Variants in ST6GALNAC2 observed in about 807,000 individuals in gnomAD.
The protein encoded by ST6GALNAC2 is alpha-N-acetylgalactosaminide alpha-2,6-sialyltransferase 2.
Under a neutral mutation model 38.7 loss-of-function variants are expected in ST6GALNAC2, and 42 were observed. That is an observed-to-expected ratio of 1.09 (90% confidence interval 0.85 to 1.40). ST6GALNAC2 has a LOEUF of 1.40. Ranked by LOEUF, ST6GALNAC2 falls within the 40% of genes most tolerant of loss-of-function variation. The pLI is 0.00. For synonymous variants in ST6GALNAC2, 233 were observed against 209.0 expected (o/e 1.11, Z -0.99); for missense variants, 506 against 481.7 (o/e 1.05, Z -0.47).
At chr17:76,566,341 A>C (rs2075282497) in intron 8 of ST6GALNAC2, 70 bp from the exon 9 acceptor site, 1 of 1,539,370 alleles carries the variant, frequency 6.5e-7, no homozygotes, top group Admixed American at 1.7e-5. Flanking sequence ...GGGTGAAGTG[A>C]CATGAGTTTA....
intron 2 of ST6GALNAC2, among the ~76,000 whole-genome samples, chr17:76,576,054 G>C (rs1194731563): frequency 6.6e-6 from 1 of 152,116 alleles, no homozygotes; most frequent in Non-Finnish European, 1.5e-5. Context: ...AGATTAGCTT[G>C]GTCAACATAA....
chr17:76,574,834 G>A (rs1022480238), intron 2 of ST6GALNAC2, among the ~76,000 whole-genome samples: 2 of 151,984 alleles, frequency 1.3e-5, no homozygotes, highest in African/African-American at 4.8e-5. Flanking sequence ...CCGCCACCAC[G>A]CCCGGCTAAT....
In ST6GALNAC2 at chr17:76,573,295, T is replaced by C. The variant is rs371095497; in HGVS notation, c.430A>G (p.Thr144Ala). ...SAKLFAPPRD[T>A]PPKCIRCAVV... ...GCACACCGGATACACTTTGGAGGGG[T>C]GTCCCTGGGCGGGGCAAACAGCTTG... The change falls in exon 4 of 9, where the codon ACC becomes GCC. Residue 144 changes from threonine (T) to alanine (A), a missense_variant. Thr to Ala is a moderately conservative substitution (Grantham distance 58). Transcript: ENST00000225276. This position sits in a 1 kb window ranked among gnomAD's most constrained non-coding sequence, Gnocchi z 5.1. 2.2e-5 allele frequency: 36 copies of C among 1,602,924 alleles called. No individual in the cohort carries two copies. The highest frequency in any genetic ancestry group is 3.0e-5 in the Non-Finnish European group (35 of 1,174,844).
chr17:76,585,567 G>A (rs1202066101), intron 1 of ST6GALNAC2, 117 bp downstream of exon 1: 4 of 1,192,544 alleles, frequency 3.4e-6, no homozygotes, highest in Non-Finnish European at 4.4e-6. Flanking sequence ...TGCCCCAGAG[G>A]GGTCCACGCG....
Position 76,573,167 on chromosome 17 carries a change from G to GCCCCTCCCCAGCTCCTA in ST6GALNAC2, c.530+11_530+27dup. The GCCCCTCCCCAGCTCCTA allele has an allele frequency of 2.7e-6, 2 of 746,838 alleles. No homozygotes were observed. The highest frequency in any genetic ancestry group is 4.2e-6 in the Non-Finnish European group (2 of 471,762). 46.3% of individuals were successfully genotyped at this position (746,838 alleles called of 1,614,324 possible). Reference sequence around the variant, plus strand: ...CACCCTCCAGGCAACTCTCCCTCCCGCCCCTCCCCAGCTCCTACCCCTCAT... The same window carrying GCCCCTCCCCAGCTCCTA: ...CACCCTCCAGGCAACTCTCCCTCCCGCCCCTCCCCAGCTCCTACCCCTCCCCAGCTCCTACCCCTCAT... On this transcript the variant is annotated intron_variant, in intron 4 of 8. Coordinates refer to ENST00000225276, the MANE Select transcript of ST6GALNAC2 (RefSeq NM_006456.3). The surrounding 1 kb of genome is among the most constrained non-coding windows in gnomAD (Gnocchi z 5.1).
At position 76,585,644 on chromosome 17, in the gene ST6GALNAC2, C is replaced by A. The variant is rs934435818; in HGVS notation, c.125+40G>T. 2.0e-6 allele frequency: 3 copies of A among 1,484,362 alleles called. No individual in the cohort carries two copies. In the African/African-American group the frequency reaches 4.4e-5, roughly 22 times the overall value. 91.9% of individuals were successfully genotyped at this position (1,484,362 alleles called of 1,614,324 possible). A position where few individuals can be genotyped will look rare whatever the true frequency, so the allele number is the denominator to read the frequency against. ...CTGGGGACCCTCCCCGCGCCCTGGT[C>A]GCCCCTGCGCCCTCCCGCTCTGCGC... On this transcript the variant is annotated intron_variant, in intron 1 of 8. Coordinates refer to ENST00000225276, the MANE Select transcript of ST6GALNAC2 (RefSeq NM_006456.3).
intron 5 of ST6GALNAC2, chr17:76,570,903 C>T (rs768813270): frequency 3.1e-4 from 150 of 484,232 alleles, no homozygotes; most frequent in Non-Finnish European, 1.5e-4. Context: ...CTGGACTTAG[C>T]GACTCATGCA....
In ST6GALNAC2 at chr17:76,565,500, C is replaced by G. The variant is rs2075267682; in HGVS notation, c.*604G>C. The G allele has an allele frequency of 6.6e-6, 1 of 151,980 alleles. No homozygotes were observed. The highest frequency in any genetic ancestry group is 2.4e-5 in the African/African-American group (1 of 41,312). 9.4% of individuals were successfully genotyped at this position (151,980 alleles called of 1,614,324 possible). A position where few individuals can be genotyped will look rare whatever the true frequency, so the allele number is the denominator to read the frequency against. On this transcript the variant is annotated 3_prime_UTR_variant, in exon 9 of 9. Coordinates refer to ENST00000225276, the MANE Select transcript of ST6GALNAC2 (RefSeq NM_006456.3). ...CAAGCAACTAACCCCCATCAAGTGC[C>G]AGACCCTCCCAGTGTTCTGAGAGTC...
intron 2 of ST6GALNAC2, 49 bp downstream of exon 2, chr17:76,578,707 A>G: frequency 6.4e-7 from 1 of 1,551,438 alleles, no homozygotes; most frequent in Admixed American, 1.8e-5. Context: ...CCTCCTCCCC[A>G]CTAATTTGAG....
At chr17:76,583,095 G>T (rs1475763118) in intron 1 of ST6GALNAC2, among the ~76,000 whole-genome samples, 2 of 152,234 alleles carry the variant, frequency 1.3e-5, no homozygotes, top group East Asian at 3.9e-4. Context: ...ATTACTCGGG[G>T]CTGGGCGCGG....
chr17:76,567,410 T>A, intron 8 of ST6GALNAC2, 43 bp downstream of exon 8: 1 of 1,418,032 alleles, frequency 7.1e-7, no homozygotes, highest in Non-Finnish European at 1.0e-6. Flanking sequence ...TCTGTTATCC[T>A]GTGTTCTGCC....
At chr17:76,570,349 G>A (rs996064591) in intron 6 of ST6GALNAC2, 3 of 537,612 alleles carry the variant, frequency 5.6e-6, no homozygotes, top group Non-Finnish European at 1.0e-5. Context: ...CTGGGAACCC[G>A]GAGGGTCACC....
At chr17:76,574,160 C>T (rs915689665) in intron 3 of ST6GALNAC2, among the ~76,000 whole-genome samples, 2 of 151,994 alleles carry the variant, frequency 1.3e-5, no homozygotes, top group Non-Finnish European at 2.9e-5. Flanking sequence ...GGGGGCAGCC[C>T]CATGACTCTC....
intron 1 of ST6GALNAC2, among the ~76,000 whole-genome samples, chr17:76,584,214 A>G (rs2143326391): frequency 2.0e-5 from 2 of 99,982 alleles, no homozygotes; most frequent in South Asian, 3.2e-4. Flanking sequence ...TTTTCTGGAG[A>G]CAGGACCTTG....
chr17:76,567,467 G>A lies in ST6GALNAC2; in HGVS notation c.943C>T (p.His315Tyr), dbSNP rs771974773. Residue 315 changes from histidine to tyrosine, a missense_variant, in exon 8 of 9, where the codon CAT becomes TAT. Physicochemically the swap from His to Tyr is moderately conservative, Grantham distance 83. Coordinates refer to ENST00000225276, the MANE Select transcript of ST6GALNAC2 (RefSeq NM_006456.3). ...TGALMLLTALHTCDQVSAYGF... is the reference protein window; with the variant it reads ...TGALMLLTALYTCDQVSAYGF... Reference sequence around the variant, plus strand: ...AGGCCTCTTACCTGGTCACAGGTATGCAAAGCTGTCAGCAGCATGAGAGCC... The same window carrying A: ...AGGCCTCTTACCTGGTCACAGGTATACAAAGCTGTCAGCAGCATGAGAGCC... The A allele has an allele frequency of 6.2e-7, 1 of 1,613,392 alleles. No homozygotes were observed. Among genetic ancestry groups the A allele is most frequent in the Non-Finnish European group, 8.5e-7 (1 of 1,179,404 alleles).
In ST6GALNAC2 at chr17:76,565,996, C is replaced by G. The variant is rs995184384; in HGVS notation, c.*108G>C. 1.7e-6 allele frequency: 2 copies of G among 1,200,204 alleles called. No homozygotes were observed. The highest frequency in any genetic ancestry group is 3.1e-5 in the African/African-American group (2 of 64,888). 74.3% of individuals were successfully genotyped at this position (1,200,204 alleles called of 1,614,324 possible). ...AAAATCTTGAATTCACCCCAGTGCC[C>G]TCTGTTGGCAAGGGAAGGTGAAGAT... On this transcript the variant is annotated 3_prime_UTR_variant, in exon 9 of 9. Coordinates refer to ENST00000225276, the MANE Select transcript of ST6GALNAC2 (RefSeq NM_006456.3).
In ST6GALNAC2 at chr17:76,573,178, G is replaced by A; in HGVS notation, c.530+17C>T. 8.7e-7 allele frequency: 1 copy of A among 1,149,910 alleles called. No homozygotes were observed. The highest frequency in any genetic ancestry group is 1.3e-6 in the Non-Finnish European group (1 of 781,640). 71.2% of individuals were successfully genotyped at this position (1,149,910 alleles called of 1,614,324 possible). A position where few individuals can be genotyped will look rare whatever the true frequency, so the allele number is the denominator to read the frequency against. On this transcript the variant is annotated intron_variant, in intron 4 of 8. Coordinates refer to ENST00000225276, the MANE Select transcript of ST6GALNAC2 (RefSeq NM_006456.3). This position sits in a 1 kb window ranked among gnomAD's most constrained non-coding sequence, Gnocchi z 5.1. ...CAACTCTCCCTCCCGCCCCTCCCCA[G>A]CTCCTACCCCTCATACCTGAATACA...
chr17:76,584,770 G>A (rs1349800464), intron 1 of ST6GALNAC2, among the ~76,000 whole-genome samples: 4 of 152,272 alleles, frequency 2.6e-5, no homozygotes, highest in South Asian at 2.1e-4. Context: ...TTTTCATCCC[G>A]TTAGCCCCCC....
At chr17:76,569,327 C>T in intron 6 of ST6GALNAC2, 3 of 336,902 alleles carry the variant, frequency 8.9e-6, no homozygotes, top group Non-Finnish European at 1.5e-5. Context: ...TTGGGGGGCA[C>T]AGCGGGGGTT....
Sources: allele counts gnomAD v4.1 joint callset (sites outside exome capture counted in the v4.1 genomes callset), GRCh38; gene constraint gnomAD v4.1.1; non-coding constraint Gnocchi (gnomAD v3.1); transcripts MANE v1.5; gene names NCBI Gene and HGNC (gene_info 2026-07-23, HGNC 2026-07-21).